The following GLI3 variants were observed in gnomAD, a reference collection of about 807,000 sequenced individuals.
GLI3 encodes the protein transcription activator GLI3.
In GLI3, 20 loss-of-function variants were observed where a neutral mutation model predicts 100.8. The ratio of observed to expected loss-of-function variants is 0.20; its 90% CI spans 0.14 to 0.29. The LOEUF is 0.29. GLI3 is among the 10% of genes least tolerant of loss of function. The pLI is 1.00. For synonymous variants in GLI3, 938 were observed against 860.5 expected, an observed-to-expected ratio of 1.09 and a Z score of -1.58; for missense variants, 2,040 against 2,128.5, an observed-to-expected ratio of 0.96 and a Z score of 0.82.
chr7:42,063,371 G>C (rs1302252206), intron 4 of GLI3, among the ~76,000 whole-genome samples: 2 of 152,038 alleles, frequency 1.3e-5, no homozygotes, highest in Non-Finnish European at 2.9e-5. Flanking sequence ...AATTGTGTTA[G>C]ATACCACTAA....
chr7:42,069,107 C>A (rs1784735189), intron 4 of GLI3, among the ~76,000 whole-genome samples: 3 of 152,266 alleles, frequency 2.0e-5, no homozygotes, highest in Middle Eastern at 3.4e-3. Flanking sequence ...GTGAATACCT[C>A]AGTCAATATC....
chr7:42,121,317 G>A (rs1295115121), intron 3 of GLI3, among the ~76,000 whole-genome samples: 3 of 152,224 alleles, frequency 2.0e-5, no homozygotes, highest in Non-Finnish European at 4.4e-5. Flanking sequence ...AGGTGCACAA[G>A]AAGTGCCATT....
At chr7:42,029,041 G>A (rs990695058) in intron 7 of GLI3, among the ~76,000 whole-genome samples, 4 of 152,086 alleles carry the variant, frequency 2.6e-5, no homozygotes, top group Non-Finnish European at 5.9e-5. Context: ...AGACTGCAAG[G>A]GCTATGAGGG....
intron 7 of GLI3, among the ~76,000 whole-genome samples, chr7:42,035,495 G>T (rs1263942847): frequency 6.6e-6 from 1 of 152,224 alleles, no homozygotes; most frequent in Non-Finnish European, 1.5e-5. Flanking sequence ...ACTCAGAGGG[G>T]TGATGTGCAA....
chr7:42,234,407 T>C (rs557052020), intron 1 of GLI3, among the ~76,000 whole-genome samples: 1 of 152,328 alleles, frequency 6.6e-6, no homozygotes, highest in African/African-American at 2.4e-5. Context: ...GAAACTTCAC[T>C]GGCCAAGAAA....
intron 10 of GLI3, among the ~76,000 whole-genome samples, chr7:41,983,797 T>C (rs1482890308): frequency 6.6e-6 from 1 of 152,100 alleles, no homozygotes; most frequent in Non-Finnish European, 1.5e-5. Flanking sequence ...AAAAGCCAAG[T>C]CCCGACACTG....
intron 1 of GLI3, chr7:42,227,672 T>C (rs1361212522): frequency 6.6e-6 from 1 of 152,112 alleles, no homozygotes; most frequent in Non-Finnish European, 1.5e-5. Context: ...GTAGTGCACG[T>C]CTGCATTTGA....
rs147352384 is a variant in GLI3, at chr7:42,247,687, A to G, written c.-43+16307T>C. Among the ~76,000 whole-genome samples the G allele has an allele frequency of 5.2e-3, 795 of 152,368 alleles. 4 individuals are homozygous for G. The highest frequency in any genetic ancestry group is 0.018 in the African/African-American group (761 of 41,590). On this transcript the variant is annotated intron_variant, in intron 1 of 2. Transcript: ENST00000678978. The stretch of plus-strand genomic sequence containing the variant: ...GGAATTAGAAACCACTGACCCTGCC[A>G]TGGGCAGAAGCTGCAGTACCCTTCT...
intron 3 of GLI3, among the ~76,000 whole-genome samples, chr7:42,138,398 G>A (rs1786481709): frequency 6.6e-6 from 1 of 152,162 alleles, no homozygotes; most frequent in South Asian, 2.1e-4. Flanking sequence ...GCATCTCACA[G>A]ACCTATATAT....
chr7:41,970,051 A>G (rs1002822834), intron 13 of GLI3, among the ~76,000 whole-genome samples: 3 of 152,202 alleles, frequency 2.0e-5, no homozygotes, highest in Admixed American at 6.5e-5. Flanking sequence ...TTCACTACCA[A>G]AAGTATCACA....
chr7:42,037,633 TCG>T (rs1208176995), intron 7 of GLI3, among the ~76,000 whole-genome samples: 1 of 152,074 alleles, frequency 6.6e-6, no homozygotes, highest in African/African-American at 2.4e-5. Flanking sequence ...AAAGATGCAA[TCG>T]AAAGTCTCAA....
intron 10 of GLI3, among the ~76,000 whole-genome samples, chr7:41,998,664 T>C (rs572453939): frequency 6.6e-6 from 1 of 152,232 alleles, no homozygotes; most frequent in Non-Finnish European, 1.5e-5. Flanking sequence ...AGACTCTGAA[T>C]GGTGTTAACA....
intron 1 of GLI3, among the ~76,000 whole-genome samples, chr7:42,254,148 G>A (rs1789061700): frequency 6.6e-6 from 1 of 151,164 alleles, no homozygotes; most frequent in Non-Finnish European, 1.5e-5. Context: ...GAACCTGGGA[G>A]GTGGAGGTTG....
intron 3 of GLI3, among the ~76,000 whole-genome samples, chr7:42,098,553 AG>A (rs1785391718): frequency 6.6e-6 from 1 of 152,204 alleles, no homozygotes; most frequent in African/African-American, 2.4e-5. Context: ...CCATTTTCTC[AG>A]GTGTAAAACC....
At chr7:42,113,575 C>CA in intron 3 of GLI3, 1 of 1,045,932 alleles carries the variant, frequency 9.6e-7, no homozygotes, top group Non-Finnish European at 1.5e-6. Flanking sequence ...ATGGAGTTGC[C>CA]AAAAAAGACC....
intron 10 of GLI3, among the ~76,000 whole-genome samples, chr7:41,993,300 G>C (rs536708300): frequency 6.6e-6 from 1 of 152,296 alleles, no homozygotes; most frequent in Admixed American, 6.5e-5. Flanking sequence ...AGCTGGAGAC[G>C]TGTGGTCACG....
intron 4 of GLI3, among the ~76,000 whole-genome samples, chr7:42,053,530 A>C (rs947552308): frequency 5.9e-5 from 9 of 152,206 alleles, no homozygotes; most frequent in Non-Finnish European, 1.2e-4. Flanking sequence ...TGGCCTGGTA[A>C]ATATTTGTCG....
Position 41,967,670 on chromosome 7 carries a change from A to G in GLI3, c.2357T>C (p.Val786Ala), listed in dbSNP as rs768941111. ...EHVKLERLKQVNGMFPRLNPI... is the reference protein window; with the variant it reads ...EHVKLERLKQANGMFPRLNPI... The stretch of plus-strand genomic sequence containing the variant: ...GTTCAGTCGCGGAAACATTCCATTC[A>G]CTTGTTTTAGCCTTTCTAGTTTTAC... The change falls in exon 14 of 15, where the codon GTG (valine) becomes GCG (alanine). Residue 786 changes from valine (V) to alanine (A), a missense_variant. This residue lies in a region of GLI3 where 327 missense variants were observed against 338.7 expected (regional missense o/e 0.97). Transcript: ENST00000395925. 1.1e-5 allele frequency: 18 copies of G among 1,614,102 alleles called. No homozygotes were observed. Among genetic ancestry groups the G allele is most frequent in the Non-Finnish European group, 1.3e-5 (15 of 1,180,008 alleles).
chr7:42,112,358 T>C (rs1217578417), intron 3 of GLI3, among the ~76,000 whole-genome samples: 1 of 152,102 alleles, frequency 6.6e-6, no homozygotes, highest in East Asian at 1.9e-4. Context: ...AGTTCTATGG[T>C]TATGGGAGCA....
Sources: gnomAD v4.1 joint callset for allele counts (sites outside exome capture counted in the v4.1 genomes callset) on GRCh38, gnomAD v4.1.1 for gene constraint, gnomAD v4.1.1 regional missense constraint, MANE v1.5 for transcripts, NCBI Gene and HGNC (gene_info 2026-07-23, HGNC 2026-07-21) for gene names.